Variants in ZNF804A observed in about 807,000 individuals in gnomAD.
ZNF804A encodes zinc finger protein 804A.
A neutral mutation model predicts 16.5 loss-of-function variants in ZNF804A; 2 were observed. That is an observed-to-expected ratio of 0.12 (90% CI 0.05 to 0.38). The LOEUF is 0.38. Among genes scored for constraint, ZNF804A ranks in the 10% least tolerant of loss-of-function variants. The pLI, the probability that ZNF804A is intolerant of heterozygous loss-of-function variation, is 0.99. For missense variants in ZNF804A, 1,473 were observed against 1,390.7 expected (o/e 1.06, Z -0.94); for synonymous variants, 534 against 489.6 (o/e 1.09, Z -1.20).
At chr2:184,613,052 T>G (rs767019802) in intron 1 of ZNF804A, among the ~76,000 whole-genome samples, 1 of 152,238 alleles carries the variant, frequency 6.6e-6, no homozygotes, top group East Asian at 1.9e-4. Flanking sequence ...GTATGAACAA[T>G]TATTTGCCTT....
intron 1 of ZNF804A, among the ~76,000 whole-genome samples, chr2:184,792,651 G>A (rs183412976): frequency 5.1e-4 from 77 of 152,196 alleles, no homozygotes; most frequent in African/African-American, 1.7e-3. Flanking sequence ...GTTTTTCACA[G>A]AACAGAAATT....
chr2:184,840,278 T>C (rs1349243357), intron 1 of ZNF804A, among the ~76,000 whole-genome samples: 1 of 152,064 alleles, frequency 6.6e-6, no homozygotes, highest in East Asian at 1.9e-4. Flanking sequence ...TAATTTCAGC[T>C]ACTCAGGAGG....
chr2:184,901,034 G>A (rs1483429741), intron 2 of ZNF804A, among the ~76,000 whole-genome samples: 1 of 151,922 alleles, frequency 6.6e-6, no homozygotes, highest in Admixed American at 6.6e-5. Flanking sequence ...TGTTTGCAGG[G>A]GCATTCTCCT....
At chr2:184,773,160 A>G (rs1471170836) in intron 1 of ZNF804A, among the ~76,000 whole-genome samples, 1 of 151,356 alleles carries the variant, frequency 6.6e-6, no homozygotes, top group African/African-American at 2.4e-5. Context: ...TCTCTATTTT[A>G]TAATGGATTA....
At chr2:184,863,556 A>T (rs909661107) in intron 1 of ZNF804A, among the ~76,000 whole-genome samples, 13 of 133,860 alleles carry the variant, frequency 9.7e-5, no homozygotes, top group Non-Finnish European at 2.3e-4. Context: ...AAACTTATTA[A>T]AAAAAAAAAA....
intron 1 of ZNF804A, among the ~76,000 whole-genome samples, chr2:184,810,781 C>T (rs1479361844): frequency 6.6e-6 from 1 of 152,080 alleles, no homozygotes; most frequent in African/African-American, 2.4e-5. Context: ...TGAGCCACCG[C>T]GCCTGGCCGA....
intron 1 of ZNF804A, among the ~76,000 whole-genome samples, chr2:184,654,466 G>A (rs1383834887): frequency 1.3e-5 from 2 of 152,022 alleles, no homozygotes; most frequent in East Asian, 3.9e-4. Context: ...TGTTTTCCTG[G>A]GCTCCTTGCT....
intron 1 of ZNF804A, among the ~76,000 whole-genome samples, chr2:184,652,584 A>G (rs1692003559): frequency 6.6e-6 from 1 of 152,166 alleles, no homozygotes; most frequent in Non-Finnish European, 1.5e-5. Flanking sequence ...CAGTTAAAAT[A>G]AAAACCTAAG....
chr2:184,931,435 G>T (rs1220743318), intron 2 of ZNF804A, among the ~76,000 whole-genome samples: 1 of 152,218 alleles, frequency 6.6e-6, no homozygotes, highest in African/African-American at 2.4e-5. Context: ...GCAGCCACAG[G>T]CTCAACACCA....
At chr2:184,754,575 T>C (rs2105760243) in intron 1 of ZNF804A, among the ~76,000 whole-genome samples, 1 of 152,028 alleles carries the variant, frequency 6.6e-6, no homozygotes, top group Non-Finnish European at 1.5e-5. Context: ...AATAAGTGTT[T>C]TGTTTATTCT....
chr2:184,838,063 C>T (rs974293935), intron 1 of ZNF804A, among the ~76,000 whole-genome samples: 2 of 151,984 alleles, frequency 1.3e-5, no homozygotes, highest in African/African-American at 2.4e-5. Context: ...CAGGAGTGCA[C>T]GTGGGAGCCT....
chr2:184,707,782 G>A (rs1693055203), intron 1 of ZNF804A, among the ~76,000 whole-genome samples: 2 of 152,222 alleles, frequency 1.3e-5, no homozygotes, highest in Admixed American at 6.5e-5. Flanking sequence ...TTGGCAGAAT[G>A]ATTTATTTTC....
intron 1 of ZNF804A, among the ~76,000 whole-genome samples, chr2:184,601,233 AATG>A (rs2105664078): frequency 6.6e-6 from 1 of 152,222 alleles, no homozygotes; most frequent in East Asian, 1.9e-4. Context: ...TATTATGGAA[AATG>A]ATGAGATTTA....
intron 1 of ZNF804A, among the ~76,000 whole-genome samples, chr2:184,792,051 G>T (rs1403945307): frequency 1.3e-5 from 2 of 152,066 alleles, no homozygotes; most frequent in Non-Finnish European, 2.9e-5. Flanking sequence ...ATGTACAACA[G>T]TTTATTTATT....
At chr2:184,858,461 G>A (rs13415342) in intron 1 of ZNF804A, among the ~76,000 whole-genome samples, 20,636 of 147,988 alleles carry the variant, frequency 0.14, 1,538 homozygotes, top group Middle Eastern at 0.25. Flanking sequence ...CCGAGATCGC[G>A]CCACTGCACT....
chr2:184,817,303 C>T (rs1694998466), intron 1 of ZNF804A, among the ~76,000 whole-genome samples: 2 of 151,650 alleles, frequency 1.3e-5, no homozygotes, highest in South Asian at 4.2e-4. Context: ...ACTACAGCAG[C>T]CCTATAGAAA....
intron 2 of ZNF804A, among the ~76,000 whole-genome samples, chr2:184,927,208 G>A (rs1382440848): frequency 1.3e-5 from 2 of 152,318 alleles, no homozygotes; most frequent in East Asian, 3.9e-4. Context: ...ACATTAGGGG[G>A]CACCCCAAGC....
chr2:184,668,870 G>A (rs1244041705), intron 1 of ZNF804A, among the ~76,000 whole-genome samples: 1 of 151,890 alleles, frequency 6.6e-6, no homozygotes, highest in Non-Finnish European at 1.5e-5. Context: ...AGTATTGCCC[G>A]AGAATTGGTA....
At chr2:184,658,749 G>T (rs1264855512) in intron 1 of ZNF804A, among the ~76,000 whole-genome samples, 3 of 152,138 alleles carry the variant, frequency 2.0e-5, no homozygotes, top group African/African-American at 7.2e-5. Context: ...TCAGAACATA[G>T]GTTTCAGGAC....
Sources: gnomAD v4.1 joint callset for allele counts (sites outside exome capture counted in the v4.1 genomes callset) on GRCh38, gnomAD v4.1.1 for gene constraint, MANE v1.5 for transcripts, NCBI Gene and HGNC (gene_info 2026-07-23, HGNC 2026-07-21) for gene names.